The following TLK2 variants were observed in gnomAD, a reference collection of about 807,000 sequenced individuals.
TLK2 encodes serine/threonine-protein kinase tousled-like 2.
A neutral mutation model predicts 117.3 loss-of-function variants in TLK2; 6 were observed. The observed-to-expected ratio is 0.05, with a 90% confidence interval of 0.03 to 0.10. The LOEUF (loss-of-function observed/expected upper bound fraction) is 0.10, where lower values mean the gene tolerates loss of function less well. TLK2 is among the 10% of genes least tolerant of loss of function. The pLI, the probability that TLK2 is intolerant of heterozygous loss-of-function variation, is 1.00. For missense variants in TLK2, 299 were observed against 901.2 expected (o/e 0.33, Z 8.56); for synonymous variants, 257 against 316.7 (o/e 0.81, Z 2.00).
chr17:62,582,659 T>C (rs769450138), intron 15 of TLK2, among the ~76,000 whole-genome samples: 1 of 152,240 alleles, frequency 6.6e-6, no homozygotes, highest in East Asian at 1.9e-4. Flanking sequence ...AAGATAGATA[T>C]AAAATTTACC....
intron 10 of TLK2, among the ~76,000 whole-genome samples, chr17:62,564,329 AG>A (rs1174368767): frequency 1.3e-5 from 2 of 152,270 alleles, no homozygotes; most frequent in African/African-American, 4.8e-5. Flanking sequence ...TGAGGTCAGG[AG>A]TTCAAGACCA....
chr17:62,560,009 AT>A lies in TLK2; in HGVS notation c.721-5del, dbSNP rs780561874. 3 of 1,593,166 alleles carry A rather than the reference AT, an allele frequency of 1.9e-6. No individual in the cohort carries two copies. The African/African-American group carries it at 4.1e-5, about 22-fold the overall frequency. On this transcript the variant is annotated splice_polypyrimidine_tract_variant and splice_region_variant and intron_variant, in intron 9 of 21. Coordinates refer to ENST00000346027, the MANE Select transcript of TLK2 (RefSeq NM_006852.6). ...GGAGCTAATTAAAAATTTTTTTCTC[AT>A]TGAAGGCCAACTGTGATTTGAGACG...
intron 11 of TLK2, chr17:62,572,986 C>G: frequency 2.2e-6 from 1 of 452,768 alleles, no homozygotes; most frequent in Non-Finnish European, 4.0e-6. Context: ...TTCCTGTCCA[C>G]TCTGAAAATA....
At chr17:62,515,685 G>T (rs1186658226) in intron 2 of TLK2, among the ~76,000 whole-genome samples, 2 of 151,978 alleles carry the variant, frequency 1.3e-5, no homozygotes, top group African/African-American at 4.8e-5. Flanking sequence ...TGTTTATTTT[G>T]TTGTTGTTGA....
intron 9 of TLK2, among the ~76,000 whole-genome samples, chr17:62,557,457 G>A (rs1447299506): frequency 6.6e-6 from 1 of 152,028 alleles, no homozygotes; most frequent in African/African-American, 2.4e-5. Flanking sequence ...TTTTGTTGTT[G>A]TTTTTATTTA....
intron 7 of TLK2, among the ~76,000 whole-genome samples, chr17:62,547,727 A>G (rs1220651881): frequency 1.3e-5 from 2 of 152,198 alleles, no homozygotes; most frequent in Non-Finnish European, 2.9e-5. Flanking sequence ...AGAAATAAGC[A>G]TATTTAAACC....
chr17:62,502,029 A>ATTTTTT lies in TLK2; in HGVS notation c.82-18732_82-18727dup, dbSNP rs371212708. Among the ~76,000 whole-genome samples, 447 of 137,460 alleles carry ATTTTTT rather than the reference A, an allele frequency of 3.3e-3. 6 individuals are homozygous for ATTTTTT. The highest frequency in any genetic ancestry group is 0.011 in the African/African-American group (418 of 36,652). 90.2% of individuals were successfully genotyped at this position (137,460 alleles called of 152,430 possible). On this transcript the variant is annotated intron_variant, in intron 2 of 21. Coordinates refer to ENST00000346027, the MANE Select transcript of TLK2 (RefSeq NM_006852.6). ...TCAAACATTTAAGGAAAAAATACCAATTTTTTTTTTTTTTTTTACAAATTT... is the reference window on the plus strand; with the variant it reads ...TCAAACATTTAAGGAAAAAATACCAATTTTTTTTTTTTTTTTTTTTTTTACAAATTT...
chr17:62,487,518 CAAAA>C (rs545506997), intron 2 of TLK2, among the ~76,000 whole-genome samples: 2 of 56,320 alleles, frequency 3.6e-5, no homozygotes, highest in Non-Finnish European at 3.8e-5. Flanking sequence ...GCCTCCGTCT[CAAAA>C]AAAAAAAAAA....
upstream of TLK2, among the ~76,000 whole-genome samples, chr17:62,475,398 A>G (rs902887460): frequency 6.6e-6 from 1 of 152,162 alleles, no homozygotes; most frequent in Non-Finnish European, 1.5e-5. Context: ...GGTGGACTGC[A>G]GTGGCACGAC....
intron 2 of TLK2, among the ~76,000 whole-genome samples, chr17:62,513,661 G>A (rs1218421566): frequency 1.3e-5 from 2 of 151,854 alleles, no homozygotes; most frequent in Non-Finnish European, 2.9e-5. Context: ...AAAATCAGTT[G>A]GATATATTTA....
At chr17:62,510,052 G>A (rs1045849267) in intron 2 of TLK2, among the ~76,000 whole-genome samples, 1 of 152,232 alleles carries the variant, frequency 6.6e-6, no homozygotes, top group African/African-American at 2.4e-5. Flanking sequence ...GTAGAGGCGA[G>A]TGTACTGCTT....
intron 2 of TLK2, among the ~76,000 whole-genome samples, chr17:62,488,820 ATT>A (rs36026309): frequency 9.0e-4 from 90 of 99,744 alleles, no homozygotes; most frequent in South Asian, 1.7e-3. Flanking sequence ...GGCCTTGAAG[ATT>A]TTTTTTTTTT....
intron 1 of TLK2, among the ~76,000 whole-genome samples, chr17:62,473,299 A>C (rs896118131): frequency 6.6e-6 from 1 of 152,142 alleles, no homozygotes; most frequent in African/African-American, 2.4e-5. Context: ...AATGATGATG[A>C]CCATGACCCT....
At chr17:62,544,520 A>G (rs933290245) in intron 7 of TLK2, among the ~76,000 whole-genome samples, 1 of 152,168 alleles carries the variant, frequency 6.6e-6, no homozygotes, top group Non-Finnish European at 1.5e-5. Flanking sequence ...ACATATGAGG[A>G]GTACAATTCA....
chr17:62,556,820 T>C (rs1393495490), intron 9 of TLK2, among the ~76,000 whole-genome samples: 1 of 152,250 alleles, frequency 6.6e-6, no homozygotes. Context: ...TTCTCACATG[T>C]TATGTCTTAT....
In TLK2 at chr17:62,523,210, A is replaced by G. The variant is rs755796940; in HGVS notation, c.267+33A>G. 20 of 1,587,002 alleles carry G rather than the reference A, an allele frequency of 1.3e-5. No homozygotes were observed. The Admixed American group carries it at 2.3e-4, about 18-fold the overall frequency. On this transcript the variant is annotated intron_variant, in intron 5 of 21. Coordinates refer to ENST00000346027, the MANE Select transcript of TLK2 (RefSeq NM_006852.6). The stretch of plus-strand genomic sequence containing the variant: ...ACATTTTTTGAAAAAACAAACAAAC[A>G]AAACAAAACAAAAAAACTCTATAGT...
chr17:62,498,078 T>C lies in TLK2; in HGVS notation c.81+16872T>C, dbSNP rs528449219. On this transcript the variant is annotated intron_variant, in intron 2 of 21. Transcript: ENST00000346027. ...TTACCTCTTGGACTTACTGAAGATA[T>C]GAAGAACAAACCTTTATACCTGATA... Among the ~76,000 whole-genome samples the C allele has an allele frequency of 2.0e-5, 3 of 152,316 alleles. No homozygotes were observed. The East Asian group carries it at 5.8e-4, about 29-fold the overall frequency.
At chr17:62,516,303 A>G (rs1054593167) in intron 2 of TLK2, 9 of 1,096,954 alleles carry the variant, frequency 8.2e-6, no homozygotes, top group African/African-American at 1.5e-5. Context: ...ATTCAATGCA[A>G]AAGAATCCTC....
Position 62,495,653 on chromosome 17 carries a change from T to TTATATATATATA in TLK2, c.81+14457_81+14468dup, listed in dbSNP as rs143548926. On this transcript the variant is annotated intron_variant, in intron 2 of 21. Coordinates refer to ENST00000346027, the MANE Select transcript of TLK2 (RefSeq NM_006852.6). ...GGTATGTGGTAAAAAATTTTAAAAA[T>TTATATATATATA]TATATATATATATATATATATTGGA... Among the ~76,000 whole-genome samples, 255 of 137,900 alleles carry TTATATATATATA rather than the reference T, an allele frequency of 1.8e-3. 1 individual carries two copies. The highest frequency in any genetic ancestry group is 6.5e-3 in the African/African-American group (245 of 37,706). 90.5% of individuals were successfully genotyped at this position (137,900 alleles called of 152,430 possible).
Sources: gnomAD v4.1 joint callset for allele counts (sites outside exome capture counted in the v4.1 genomes callset) on GRCh38, gnomAD v4.1.1 for gene constraint, MANE v1.5 for transcripts, NCBI Gene and HGNC (gene_info 2026-07-23, HGNC 2026-07-21) for gene names.